Variants in COL4A1 observed in about 807,000 individuals in gnomAD.
The protein encoded by COL4A1 is collagen alpha-1(IV) chain.
A neutral mutation model predicts 216.6 loss-of-function variants in COL4A1; 40 were observed. The observed-to-expected ratio is 0.18, with a 90% CI of 0.14 to 0.24. The LOEUF is 0.24. Ranked by LOEUF, COL4A1 falls within the 10% of genes least tolerant of loss-of-function variation. The pLI, the probability that COL4A1 is intolerant of heterozygous loss-of-function variation, is 1.00. For missense variants in COL4A1, 1,628 were observed against 2,196.8 expected, an observed-to-expected ratio of 0.74 and a Z score of 5.18; for synonymous variants, 839 against 810.7, an observed-to-expected ratio of 1.03 and a Z score of -0.59.
chr13:110,179,516 C>T (rs1003991051), intron 29 of COL4A1, 95 bp from the exon 30 acceptor site: 1 of 1,549,062 alleles, frequency 6.5e-7, no homozygotes, highest in African/African-American at 1.4e-5. Context: ...CAGATACTGC[C>T]AATGCATTTA....
At chr13:110,169,903 C>T (rs1877527781) in intron 42 of COL4A1, 141 bp from the exon 43 acceptor site, 7 of 777,416 alleles carry the variant, frequency 9.0e-6, no homozygotes, top group South Asian at 5.0e-5. Flanking sequence ...AGACAGAAAT[C>T]GAGGCAGGTC....
intron 20 of COL4A1, 125 bp downstream of exon 20, chr13:110,200,729 G>T: frequency 9.6e-7 from 1 of 1,043,710 alleles, no homozygotes; most frequent in Non-Finnish European, 1.5e-6. Context: ...CACTAGAAAA[G>T]ATGTCGTAAG....
chr13:110,221,077 T>G (rs564644613), intron 2 of COL4A1, among the ~76,000 whole-genome samples: 1 of 152,372 alleles, frequency 6.6e-6, no homozygotes, highest in South Asian at 2.1e-4. Flanking sequence ...AATCCTGATG[T>G]TGAAACATTA....
chr13:110,262,828 C>A (rs1212323277), intron 1 of COL4A1, among the ~76,000 whole-genome samples: 6 of 152,180 alleles, frequency 3.9e-5, no homozygotes, highest in African/African-American at 1.4e-4. Flanking sequence ...TCATGATAAC[C>A]TTCCAGTTTA....
chr13:110,188,065 A>T (rs2391817), intron 24 of COL4A1, among the ~76,000 whole-genome samples: 58,669 of 152,008 alleles, frequency 0.39, 11,464 homozygotes, highest in African/African-American at 0.45. Flanking sequence ...GAAAGTTAAA[A>T]CTGCAAAGAA....
At chr13:110,241,853 G>A (rs1462374792) in intron 2 of COL4A1, among the ~76,000 whole-genome samples, 2 of 152,186 alleles carry the variant, frequency 1.3e-5, no homozygotes, top group African/African-American at 4.8e-5. Context: ...GAATTCACAC[G>A]CTAGCCAGAA....
chr13:110,296,613 T>C (rs1390608911), intron 1 of COL4A1, among the ~76,000 whole-genome samples: 1 of 152,192 alleles, frequency 6.6e-6, no homozygotes, highest in Non-Finnish European at 1.5e-5. Context: ...AAGCAATCAT[T>C]TCTTCAGGGG....
chr13:110,222,472 A>G (rs912261440), intron 2 of COL4A1, among the ~76,000 whole-genome samples: 1 of 152,090 alleles, frequency 6.6e-6, no homozygotes, highest in African/African-American at 2.4e-5. Context: ...GGTGGACCTT[A>G]AAGAATTAAG....
At chr13:110,259,057 A>T (rs1431572290) in intron 1 of COL4A1, among the ~76,000 whole-genome samples, 1 of 152,236 alleles carries the variant, frequency 6.6e-6, no homozygotes, top group East Asian at 1.9e-4. Context: ...CGGTCCCTGG[A>T]GTGAGGCCCT....
At chr13:110,217,904 C>T (rs1880167081) in intron 2 of COL4A1, among the ~76,000 whole-genome samples, 1 of 152,200 alleles carries the variant, frequency 6.6e-6, no homozygotes, top group Non-Finnish European at 1.5e-5. Flanking sequence ...TTATCTAAAG[C>T]AAGCATATAC....
At chr13:110,258,064 CATACA>C (rs1882656119) in intron 1 of COL4A1, among the ~76,000 whole-genome samples, 1 of 152,156 alleles carries the variant, frequency 6.6e-6, no homozygotes, top group South Asian at 2.1e-4. Flanking sequence ...GCCTACAGTG[CATACA>C]ATACAACAAG....
At chr13:110,181,031 C>T (rs989374589) in intron 29 of COL4A1, among the ~76,000 whole-genome samples, 4 of 152,230 alleles carry the variant, frequency 2.6e-5, no homozygotes, top group Non-Finnish European at 4.4e-5. Context: ...TGAGTTTCAG[C>T]TTACACAGGC....
intron 1 of COL4A1, among the ~76,000 whole-genome samples, chr13:110,262,367 A>C (rs1470879812): frequency 1.3e-5 from 2 of 152,226 alleles, no homozygotes; most frequent in African/African-American, 4.8e-5. Context: ...TGCAGCTACT[A>C]CTTCAAAATG....
chr13:110,165,382 C>T (rs909854172), intron 45 of COL4A1, among the ~76,000 whole-genome samples: 1 of 152,190 alleles, frequency 6.6e-6, no homozygotes. Context: ...CCACACTCAT[C>T]TGAAACCTGC....
chr13:110,225,584 A>AAAAT (rs538384117), intron 2 of COL4A1, among the ~76,000 whole-genome samples: 16 of 152,344 alleles, frequency 1.1e-4, no homozygotes, highest in South Asian at 4.1e-4. Flanking sequence ...TCCATCTCAA[A>AAAAT]AAATAAATAA....
chr13:110,250,410 C>T (rs926202282), intron 1 of COL4A1, among the ~76,000 whole-genome samples: 5 of 152,134 alleles, frequency 3.3e-5, no homozygotes, highest in African/African-American at 1.2e-4. Context: ...CTTGGCTTCT[C>T]TTAGGAACAA....
At chr13:110,190,419 C>G (rs1292380537) in intron 24 of COL4A1, among the ~76,000 whole-genome samples, 3 of 152,096 alleles carry the variant, frequency 2.0e-5, no homozygotes, top group African/African-American at 7.2e-5. Flanking sequence ...ATTCATCCTC[C>G]CAGTGACCAG....
chr13:110,172,796 G>A lies in COL4A1; in HGVS notation c.3506-26C>T, dbSNP rs368099110. 133 of 1,605,422 alleles carry A rather than the reference G, an allele frequency of 8.3e-5. 1 individual carries two copies. Among genetic ancestry groups the A allele is most frequent in the Non-Finnish European group, 5.4e-5 (63 of 1,172,170 alleles). On this transcript the variant is annotated intron_variant, in intron 40 of 51. Coordinates refer to ENST00000375820, the MANE Select transcript of COL4A1 (RefSeq NM_001845.6). ...CTATAAGATGAGGGTAAAATGCCAC[G>A]TTTCTCTTTACTTAAACAATCCATC...
At position 110,211,908 on chromosome 13, in the gene COL4A1, C is replaced by G. The variant is rs761538161; in HGVS notation, c.402G>C (p.Pro134=). Residue 134 remains proline, a synonymous_variant, in exon 7 of 52, where the codon CCG becomes CCC. Transcript: ENST00000375820. This position sits in a 1 kb window ranked among gnomAD's most constrained non-coding sequence, Gnocchi z 4.3. Reference sequence around the variant, plus strand: ...AACCAGGCAAGCCAGGAGGCCCGAGCGGCCCTCTCTCCCCCTGGGGAGACA... The same window carrying G: ...AACCAGGCAAGCCAGGAGGCCCGAGGGGCCCTCTCTCCCCCTGGGGAGACA... ...GCNGTKGERG[P]LGPPGLPGFA... The G allele has an allele frequency of 3.7e-6, 6 of 1,614,100 alleles. No homozygotes were observed. The highest frequency in any genetic ancestry group is 1.3e-5 in the African/African-American group (1 of 75,052).
Sources: allele counts gnomAD v4.1 joint callset (sites outside exome capture counted in the v4.1 genomes callset), GRCh38; gene constraint gnomAD v4.1.1; non-coding constraint Gnocchi (gnomAD v3.1); transcripts MANE v1.5; gene names NCBI Gene and HGNC (gene_info 2026-07-23, HGNC 2026-07-21).